CACNA1C: variants seen among roughly 807,000 people sequenced by gnomAD.
CACNA1C encodes voltage-dependent L-type calcium channel subunit alpha-1C.
In CACNA1C, 30 loss-of-function variants were observed where a neutral mutation model predicts 229.0. The ratio of observed to expected loss-of-function variants is 0.13; its 90% CI spans 0.10 to 0.18. CACNA1C has a LOEUF of 0.18. Ranked by LOEUF, CACNA1C falls within the 10% of genes least tolerant of loss-of-function variation. The pLI, the probability that CACNA1C is intolerant of heterozygous loss-of-function variation, is 1.00. For synonymous variants in CACNA1C, 1,114 were observed against 1,132.5 expected (o/e 0.98, Z 0.33); for missense variants, 1,658 against 2,845.0 (o/e 0.58, Z 9.49).
In CACNA1C at chr12:2,346,575, C is replaced by G. The variant is rs1253598190; in HGVS notation, c.478-102401C>G. On this transcript the variant is annotated intron_variant, in intron 3 of 46. Coordinates refer to ENST00000399655, the MANE Select transcript of CACNA1C (RefSeq NM_000719.7). The surrounding 1 kb of genome is among the most constrained non-coding windows in gnomAD (Gnocchi z 4.4). The stretch of plus-strand genomic sequence containing the variant: ...GGCTGTGGCTCAGTCACATACTCCC[C>G]CATTTCTCTTAGCCGGCCCCAGTGT... 6.6e-6 allele frequency among the ~76,000 whole-genome samples: 1 copy of G among 152,144 alleles called. No homozygotes were observed. The highest frequency in any genetic ancestry group is 2.4e-5 in the African/African-American group (1 of 41,418).
At chr12:2,480,766 G>C (rs2099672734) in intron 5 of CACNA1C, among the ~76,000 whole-genome samples, 1 of 152,166 alleles carries the variant, frequency 6.6e-6, no homozygotes, top group Non-Finnish European at 1.5e-5. Context: ...AAGCCTCCTT[G>C]ATCGTTTTCA....
intron 3 of CACNA1C, among the ~76,000 whole-genome samples, chr12:2,291,814 G>A (rs563790939): frequency 2.1e-4 from 32 of 152,304 alleles, no homozygotes; most frequent in Admixed American, 5.2e-4. Context: ...TGTTTACTAC[G>A]TGGGAAGAGT....
chr12:2,302,716 A>G (rs572635103), intron 3 of CACNA1C, among the ~76,000 whole-genome samples: 4 of 152,300 alleles, frequency 2.6e-5, no homozygotes, highest in Non-Finnish European at 4.4e-5. Context: ...ATCCAGAACT[A>G]TTTTTAGTGC....
chr12:2,426,261 A>G (rs2099031058), intron 3 of CACNA1C, among the ~76,000 whole-genome samples: 1 of 152,202 alleles, frequency 6.6e-6, no homozygotes, highest in South Asian at 2.1e-4. Flanking sequence ...AGGACTGGCA[A>G]TCTAATTGAG....
chr12:2,217,206 C>G (rs1288519224), intron 3 of CACNA1C, among the ~76,000 whole-genome samples: 6 of 152,124 alleles, frequency 3.9e-5, no homozygotes, highest in Admixed American at 2.6e-4. Flanking sequence ...CCAGAATAGA[C>G]AAATTTATAG....
At chr12:2,411,780 C>T (rs1359471991) in intron 3 of CACNA1C, among the ~76,000 whole-genome samples, 2 of 152,228 alleles carry the variant, frequency 1.3e-5, no homozygotes, top group South Asian at 2.1e-4. Context: ...AGGCTCCTCC[C>T]CCATCCTCAG....
At chr12:2,680,018 G>A (rs575546629) in intron 42 of CACNA1C, among the ~76,000 whole-genome samples, 5 of 152,300 alleles carry the variant, frequency 3.3e-5, no homozygotes, top group Admixed American at 6.5e-5. Flanking sequence ...AGTGGCCTGC[G>A]GCGCTGGTTC....
At chr12:2,183,380 C>G (rs1382855860) in intron 3 of CACNA1C, among the ~76,000 whole-genome samples, 1 of 152,226 alleles carries the variant, frequency 6.6e-6, no homozygotes, top group East Asian at 1.9e-4. Context: ...TCCCGCTGAT[C>G]TGGTAAGCAC....
chr12:2,508,164 C>T (rs1433329493), intron 8 of CACNA1C, among the ~76,000 whole-genome samples: 1 of 152,228 alleles, frequency 6.6e-6, no homozygotes, highest in Non-Finnish European at 1.5e-5. Context: ...AGTCTTGGAG[C>T]CTTCTGGGAC....
At chr12:2,309,854 A>G (rs1197025251) in intron 3 of CACNA1C, among the ~76,000 whole-genome samples, 1 of 152,206 alleles carries the variant, frequency 6.6e-6, no homozygotes, top group Non-Finnish European at 1.5e-5. Context: ...CGAAACACCA[A>G]GTAGCAAATG....
chr12:2,370,257 T>C (rs1285905028), intron 3 of CACNA1C, among the ~76,000 whole-genome samples: 3 of 151,944 alleles, frequency 2.0e-5, no homozygotes. Flanking sequence ...ATGATAGAAA[T>C]AGAAAAAAGT....
intron 1 of CACNA1C, among the ~76,000 whole-genome samples, chr12:2,006,595 C>T (rs3858698): frequency 0.19 from 28,222 of 151,938 alleles, 2,703 homozygotes; most frequent in African/African-American, 0.22. Flanking sequence ...ATCATAGATA[C>T]GGCACACATA....
At chr12:2,583,173 G>A (rs1170551340) in intron 15 of CACNA1C, among the ~76,000 whole-genome samples, 1 of 152,198 alleles carries the variant, frequency 6.6e-6, no homozygotes, top group African/African-American at 2.4e-5. Context: ...CTCCGGGCGG[G>A]CTGTCGCCGT....
At chr12:2,303,022 G>A (rs929396244) in intron 3 of CACNA1C, among the ~76,000 whole-genome samples, 1 of 152,240 alleles carries the variant, frequency 6.6e-6, no homozygotes, top group African/African-American at 2.4e-5. Flanking sequence ...CCAAGAGCAG[G>A]GTGCAGAGCT....
chr12:2,183,842 AG>A (rs1256656533), intron 3 of CACNA1C, among the ~76,000 whole-genome samples: 22 of 152,346 alleles, frequency 1.4e-4, no homozygotes, highest in African/African-American at 4.8e-4. Flanking sequence ...CTCTGTCTCT[AG>A]AGGTTCTTAA....
intron 29 of CACNA1C, among the ~76,000 whole-genome samples, chr12:2,627,442 G>A (rs372515970): frequency 6.6e-6 from 1 of 151,870 alleles, no homozygotes; most frequent in South Asian, 2.1e-4. Context: ...CACCACCGCC[G>A]CCAGCTGCCA....
intron 3 of CACNA1C, among the ~76,000 whole-genome samples, chr12:2,380,860 C>T (rs868822699): frequency 2.0e-5 from 3 of 152,146 alleles, no homozygotes; most frequent in Non-Finnish European, 2.9e-5. Context: ...CTCATTACAG[C>T]ACGTAAGATG....
At chr12:2,415,182 C>T (rs2098859121) in intron 3 of CACNA1C, among the ~76,000 whole-genome samples, 1 of 152,214 alleles carries the variant, frequency 6.6e-6, no homozygotes, top group Admixed American at 6.5e-5. Context: ...GTTTTCTCTT[C>T]CTATTTGCCT....
chr12:2,457,519 A>G, intron 4 of CACNA1C, 48 bp from the exon 5 acceptor site: 3 of 1,581,708 alleles, frequency 1.9e-6, no homozygotes, highest in Admixed American at 1.8e-5. Flanking sequence ...CCAGCTGGGC[A>G]AAAGAAAACC....
Sources: gnomAD v4.1 joint callset for allele counts (sites outside exome capture counted in the v4.1 genomes callset) on GRCh38, gnomAD v4.1.1 for gene constraint, Gnocchi (gnomAD v3.1) non-coding constraint, MANE v1.5 for transcripts, NCBI Gene and HGNC (gene_info 2026-07-23, HGNC 2026-07-21) for gene names.